The following SCART1 variants were observed in gnomAD, a reference collection of about 807,000 sequenced individuals.
SCART1 encodes the protein scavenger receptor cysteine-rich domain-containing protein SCART1.
A neutral mutation model predicts 36.2 loss-of-function variants in SCART1; 62 were observed. The observed-to-expected ratio is 1.71, with a 90% CI of 1.40 to 2.12. The LOEUF (loss-of-function observed/expected upper bound fraction) is 2.12. Among genes scored for constraint, SCART1 ranks in the 30% most tolerant of loss-of-function variants. The pLI is 0.00. For synonymous variants in SCART1, 487 were observed against 238.7 expected (o/e 2.04, Z -9.59); for missense variants, 1,041 against 540.5 (o/e 1.93, Z -9.18).
chr10:133,457,451 C>T (rs1013987200), exon 3 of SCART1: 13 of 702,448 alleles, frequency 1.9e-5, no homozygotes, highest in East Asian at 8.0e-5. Context: ...CCCGCCGGGA[C>T]GTGGGCGTCG....
At chr10:133,464,906 G>A in exon 7 of SCART1, 2 of 702,950 alleles carry the variant, frequency 2.8e-6, no homozygotes, top group South Asian at 3.0e-5. Flanking sequence ...CGACCTTCGA[G>A]AGCAGGTCTG....
At chr10:133,463,809 C>A (rs1196913696) in intron 6 of SCART1, among the ~76,000 whole-genome samples, 1 of 152,112 alleles carries the variant, frequency 6.6e-6, no homozygotes, top group Non-Finnish European at 1.5e-5. Flanking sequence ...AGACATGTAT[C>A]ATTTCTTCGT....
chr10:133,456,059 T>C (rs375483152), intron 1 of SCART1, among the ~76,000 whole-genome samples, 178 bp from the exon 2 acceptor site: 3 of 151,688 alleles, frequency 2.0e-5, no homozygotes, highest in African/African-American at 7.3e-5. Flanking sequence ...GGGAGACACA[T>C]GGGGTGAGGG....
Position 133,459,905 on chromosome 10 carries a change from GGCCGGGGC to G in SCART1, c.1707_1714del (p.Gly570AlafsTer10). 1.8e-6 allele frequency: 1 copy of G among 543,520 alleles called. No homozygotes were observed. Among genetic ancestry groups the G allele is most frequent in the Non-Finnish European group, 3.2e-6 (1 of 310,880 alleles). The allele number at this position is 543,520 out of a possible 1,614,324, so 33.7% of individuals were successfully genotyped here. A position where few individuals can be genotyped will look rare whatever the true frequency, so the allele number is the denominator to read the frequency against. ...AGCCTCAGGGTGCGGCTGGCCGCGG[GGCCGGGGC>G]GCTGCACGGGGGCGCGTGGGGCACC... On this transcript the variant is annotated frameshift_variant, in exon 6 of 12. Coordinates refer to ENST00000640237, the Ensembl canonical transcript of SCART1. LOFTEE classifies it high-confidence loss of function.
At chr10:133,458,377 C>T (rs942946469) in exon 4 of SCART1, 17 of 702,552 alleles carry the variant, frequency 2.4e-5, no homozygotes, top group Non-Finnish European at 4.4e-5. Flanking sequence ...CGAGGCCCGA[C>T]TGGTGGGCGG....
At chr10:133,461,540 T>C (rs1217121933) in intron 6 of SCART1, among the ~76,000 whole-genome samples, 1 of 152,210 alleles carries the variant, frequency 6.6e-6, no homozygotes, top group Non-Finnish European at 1.5e-5. Flanking sequence ...TGAAATTAAT[T>C]TTGGCATGAC....
chr10:133,467,211 C>T (rs553210792), exon 11 of SCART1: 24 of 700,138 alleles, frequency 3.4e-5, no homozygotes, highest in South Asian at 9.0e-5. Context: ...TGGGAAGATC[C>T]GAGGTATCTC....
At chr10:133,455,401 A>G (rs1312197695) in intron 1 of SCART1, among the ~76,000 whole-genome samples, 2 of 152,008 alleles carry the variant, frequency 1.3e-5, no homozygotes, top group Non-Finnish European at 2.9e-5. Context: ...GCTCCCCAGG[A>G]GGTGGGAGGG....
chr10:133,459,177 G>C (rs1453305600), exon 5 of SCART1: 3 of 702,910 alleles, frequency 4.3e-6, no homozygotes, highest in Admixed American at 2.0e-5. Context: ...GCCGCACCTG[G>C]AGGAGGCCAT....
At chr10:133,456,759 AAACC>A (rs1263866224) in intron 2 of SCART1, among the ~76,000 whole-genome samples, 1 of 152,016 alleles carries the variant, frequency 6.6e-6, no homozygotes, top group African/African-American at 2.4e-5. Flanking sequence ...AGCTGTGGAA[AAACC>A]AACGCCAGGG....
chr10:133,456,667 C>A, intron 2 of SCART1, 113 bp downstream of exon 2: 1 of 587,360 alleles, frequency 1.7e-6, no homozygotes, highest in Non-Finnish European at 3.0e-6. Flanking sequence ...GTCTCGGAGA[C>A]GGGCGGGGAG....
rs1035687467 is a variant in SCART1 at position 133,466,005 on chromosome 10, G to T, written c.2660-230G>T. 2.3e-4 allele frequency: 155 copies of T among 669,120 alleles called. 2 individuals are homozygous for T. The highest frequency in any genetic ancestry group is 1.6e-3 in the South Asian group (99 of 63,080). 41.4% of individuals were successfully genotyped at this position (669,120 alleles called of 1,614,324 possible). On this transcript the variant is annotated intron_variant, in intron 9 of 11. Transcript: ENST00000640237. ...GCCCTGGCATCTGCCTGGGGGCCATGTTTTACCAAGGAAGGGGGCTGTCCC... is the reference window on the plus strand; with the variant it reads ...GCCCTGGCATCTGCCTGGGGGCCATTTTTTACCAAGGAAGGGGGCTGTCCC...
At position 133,461,268 on chromosome 10, in the gene SCART1, C is replaced by T. The variant is rs115282238; in HGVS notation, c.1969+1098C>T. ...GGTCACGGGCTGCCCATCTGACCTG[C>T]GGTCTCCTGAGAGGGTCACGGGCTG... On this transcript the variant is annotated intron_variant, in intron 6 of 11. Transcript: ENST00000640237. Among the ~76,000 whole-genome samples the T allele has an allele frequency of 7.5e-3, 1,134 of 150,554 alleles. 15 individuals carry two copies. The highest frequency in any genetic ancestry group is 0.026 in the African/African-American group (1,071 of 41,126).
chr10:133,458,058 G>A (rs144144541), intron 3 of SCART1: 12 of 607,818 alleles, frequency 2.0e-5, no homozygotes, highest in African/African-American at 5.6e-5. Flanking sequence ...CCCTGACCTC[G>A]CCTCTGGGAT....
At chr10:133,457,449 G>A in exon 3 of SCART1, 1 of 702,584 alleles carries the variant, frequency 1.4e-6, no homozygotes. Context: ...CCCCCGCCGG[G>A]ACGTGGGCGT....
intron 1 of SCART1, among the ~76,000 whole-genome samples, chr10:133,454,908 G>A (rs997378200): frequency 1.3e-5 from 2 of 152,128 alleles, no homozygotes; most frequent in African/African-American, 4.8e-5. Context: ...TTGTGTCAAC[G>A]ATCGCATGCA....
At position 133,464,529 on chromosome 10, in the gene SCART1, G is replaced by A. The variant is rs1169476786; in HGVS notation, c.1970-77G>A. On this transcript the variant is annotated intron_variant, in intron 6 of 11. Transcript: ENST00000640237. ...TGATCTCAGTGCTGGGACCCCTTGA[G>A]CTTAGCCCCCTCCTTCTGAGACTGC... is the stretch of plus-strand genomic sequence containing the variant. The A allele has an allele frequency of 9.9e-6, 6 of 606,790 alleles. No individual in the cohort carries two copies. The East Asian group carries it at 1.6e-4, about 17-fold the overall frequency. 37.6% of individuals were successfully genotyped at this position (606,790 alleles called of 1,614,324 possible).
intron 3 of SCART1, chr10:133,458,019 G>A (rs1850641317): frequency 1.8e-6 from 1 of 558,352 alleles, no homozygotes; most frequent in African/African-American, 1.9e-5. Flanking sequence ...GTACCCCAGA[G>A]AGGGTGGTGC....
chr10:133,459,389 G>T, intron 5 of SCART1, 63 bp downstream of exon 5: 1 of 615,192 alleles, frequency 1.6e-6, no homozygotes. Context: ...AGGAGTGCAA[G>T]GAAGGACAGA....
Sources: gnomAD v4.1 joint callset for allele counts (sites outside exome capture counted in the v4.1 genomes callset) on GRCh38, gnomAD v4.1.1 for gene constraint, MANE v1.5 for transcripts, NCBI Gene and HGNC (gene_info 2026-07-23, HGNC 2026-07-21) for gene names.